Variants in SUGCT observed in about 807,000 individuals in gnomAD.
SUGCT encodes the protein succinyl-CoA:glutarate CoA-transferase.
SUGCT carries 41 observed loss-of-function variants against 55.0 expected under a neutral mutation model. That is an observed-to-expected ratio of 0.74 (90% CI 0.58 to 0.97). The LOEUF (loss-of-function observed/expected upper bound fraction) is 0.97, where lower values mean the gene tolerates loss of function less well. SUGCT is among the 50% of genes least tolerant of loss of function. The pLI is 0.00. For missense variants in SUGCT, 568 were observed against 547.8 expected (o/e 1.04, Z -0.37); for synonymous variants, 187 against 200.4 (o/e 0.93, Z 0.56).
intron 12 of SUGCT, among the ~76,000 whole-genome samples, chr7:40,590,260 A>G (rs1342196516): frequency 6.6e-6 from 1 of 152,166 alleles, no homozygotes; most frequent in Admixed American, 6.5e-5. Flanking sequence ...CTGAAAGACG[A>G]TAATATTAAT....
intron 12 of SUGCT, among the ~76,000 whole-genome samples, chr7:40,651,213 G>A (rs1171157529): frequency 5.9e-5 from 9 of 152,254 alleles, no homozygotes; most frequent in Admixed American, 5.9e-4. Context: ...CCTACCAACA[G>A]TGTAAAAGCA....
chr7:40,803,583 C>T (rs1790931530), intron 13 of SUGCT, among the ~76,000 whole-genome samples: 1 of 152,010 alleles, frequency 6.6e-6, no homozygotes, highest in Admixed American at 6.6e-5. Context: ...TTATTCCATC[C>T]TCATGAAGGA....
At chr7:40,498,095 A>G (rs1259418705) in intron 12 of SUGCT, among the ~76,000 whole-genome samples, 4 of 152,136 alleles carry the variant, frequency 2.6e-5, no homozygotes, top group African/African-American at 7.2e-5. Flanking sequence ...TTATTGGTCT[A>G]TGGCATATTT....
chr7:40,674,747 A>G (rs1448846268), intron 12 of SUGCT, among the ~76,000 whole-genome samples: 2 of 152,182 alleles, frequency 1.3e-5, no homozygotes, highest in East Asian at 1.9e-4. Context: ...GTCTTTTTTT[A>G]GAGGAAAGGT....
chr7:40,247,228 T>C (rs555040375), intron 7 of SUGCT, among the ~76,000 whole-genome samples: 1 of 152,100 alleles, frequency 6.6e-6, no homozygotes, highest in East Asian at 1.9e-4. Context: ...TTTGAGAGTT[T>C]TAATTATCTG....
intron 9 of SUGCT, among the ~76,000 whole-genome samples, chr7:40,349,746 C>T (rs1314050199): frequency 1.3e-5 from 2 of 152,210 alleles, no homozygotes; most frequent in East Asian, 3.8e-4. Flanking sequence ...GATCATGGCT[C>T]ACAGCAGTCT....
chr7:40,436,157 G>A (rs1583671326), intron 9 of SUGCT, among the ~76,000 whole-genome samples: 1 of 151,850 alleles, frequency 6.6e-6, no homozygotes, highest in East Asian at 1.9e-4. Context: ...TGGCCAGGCT[G>A]GTCTCAAACT....
At chr7:40,687,594 C>T (rs988390225) in intron 12 of SUGCT, among the ~76,000 whole-genome samples, 4 of 152,168 alleles carry the variant, frequency 2.6e-5, no homozygotes, top group Non-Finnish European at 5.9e-5. Flanking sequence ...GTTCTTTCCA[C>T]CCTCAAAATT....
intron 12 of SUGCT, among the ~76,000 whole-genome samples, chr7:40,677,907 A>C (rs1376130604): frequency 1.3e-5 from 2 of 152,138 alleles, no homozygotes; most frequent in Non-Finnish European, 2.9e-5. Flanking sequence ...CCTGGGCTGC[A>C]CTCATCTGAA....
At chr7:40,852,261 G>A (rs554217205) in intron 13 of SUGCT, among the ~76,000 whole-genome samples, 18 of 152,234 alleles carry the variant, frequency 1.2e-4, no homozygotes, top group African/African-American at 4.1e-4. Context: ...CCTGGCCCAT[G>A]TATTAATCAG....
chr7:40,156,218 C>T (rs1783888620), intron 1 of SUGCT, among the ~76,000 whole-genome samples: 2 of 152,118 alleles, frequency 1.3e-5, no homozygotes, highest in African/African-American at 2.4e-5. Context: ...AATCCCAGAA[C>T]TTTGGAAGGC....
In SUGCT at chr7:40,459,147, AC is replaced by A. The variant is rs1562792508; in HGVS notation, c.937del (p.His313ThrfsTer22). 6.2e-7 allele frequency: 1 copy of A among 1,612,144 alleles called. No homozygotes were observed. Among genetic ancestry groups the A allele is most frequent in the Non-Finnish European group, 8.5e-7 (1 of 1,178,908 alleles). On this transcript the variant is annotated frameshift_variant, in exon 11 of 14. Coordinates refer to ENST00000335693, the MANE Select transcript of SUGCT (RefSeq NM_001193313.2). LOFTEE classifies it high-confidence loss of function. ...ATTGATAATTCCAAGTATAAAACTA[AC>A]CACCTTCGGGTACACAATAGAAAAG... Reference protein sequence around the residue: ...ELIDNSKYKTNHLRVHNRKEL... With the variant: ...ELIDNSKYKTXHLRVHNRKEL...
intron 9 of SUGCT, among the ~76,000 whole-genome samples, chr7:40,357,056 T>C (rs1290148774): frequency 6.6e-6 from 1 of 152,230 alleles, no homozygotes; most frequent in Admixed American, 6.5e-5. Flanking sequence ...AAATGACTCA[T>C]CACTGGTAAA....
intron 12 of SUGCT, among the ~76,000 whole-genome samples, chr7:40,518,419 A>G (rs1261695911): frequency 6.6e-6 from 1 of 152,138 alleles, no homozygotes; most frequent in Non-Finnish European, 1.5e-5. Context: ...TATTTTAGAT[A>G]ATGAAAGCCA....
chr7:40,288,665 T>C (rs151337410), intron 8 of SUGCT, among the ~76,000 whole-genome samples: 57 of 152,214 alleles, frequency 3.7e-4, no homozygotes, highest in Non-Finnish European at 6.9e-4. Context: ...AATTCCCTAT[T>C]AGCCCCATTA....
At chr7:40,439,072 A>ATGTGTGTGTGTGTG (rs367604896) in intron 9 of SUGCT, among the ~76,000 whole-genome samples, 1 of 51,430 alleles carries the variant, frequency 1.9e-5, no homozygotes, top group African/African-American at 8.8e-5. Context: ...GTGTATATAT[A>ATGTGTGTGTGTGTG]TATATATATA....
At chr7:40,454,615 G>GT (rs1789373984) in intron 10 of SUGCT, among the ~76,000 whole-genome samples, 1 of 26,850 alleles carries the variant, frequency 3.7e-5, no homozygotes, top group Non-Finnish European at 5.9e-5. Context: ...ACACCCAGAG[G>GT]GGGAAAAAAT....
intron 13 of SUGCT, among the ~76,000 whole-genome samples, chr7:40,790,482 A>G (rs1790256825): frequency 6.6e-6 from 1 of 152,196 alleles, no homozygotes; most frequent in African/African-American, 2.4e-5. Flanking sequence ...AGTGTATTCT[A>G]AGTACTTAGT....
At chr7:40,911,390 G>T in the SUGCT span, among the ~76,000 whole-genome samples, 6 of 152,084 alleles carry the variant, frequency 3.9e-5, no homozygotes, top group African/African-American at 1.4e-4. Context: ...AAGAACAATT[G>T]TATAGTGATT....
Sources: allele counts gnomAD v4.1 joint callset (sites outside exome capture counted in the v4.1 genomes callset), GRCh38; gene constraint gnomAD v4.1.1; transcripts MANE v1.5; gene names NCBI Gene and HGNC (gene_info 2026-07-23, HGNC 2026-07-21).